VPS53: variants seen among roughly 807,000 people sequenced by gnomAD.
The protein encoded by VPS53 is VPS53 subunit of GARP complex.
Under a neutral mutation model 107.0 loss-of-function variants are expected in VPS53, and 70 were observed. That is an observed-to-expected ratio of 0.65 (90% CI 0.54 to 0.80). The LOEUF (loss-of-function observed/expected upper bound fraction) is 0.80. Among genes scored for constraint, VPS53 ranks in the 30% least tolerant of loss-of-function variants. The pLI, the probability that VPS53 is intolerant of heterozygous loss-of-function variation, is 0.00. For synonymous variants in VPS53, 409 were observed against 393.3 expected (o/e 1.04, Z -0.47); for missense variants, 917 against 1,049.4 (o/e 0.87, Z 1.74).
chr17:628,660 C>G (rs1969818414), intron 8 of VPS53, among the ~76,000 whole-genome samples: 1 of 152,204 alleles, frequency 6.6e-6, no homozygotes, highest in Non-Finnish European at 1.5e-5. Context: ...ACATGTGCCA[C>G]TCTTCCCTGA....
chr17:589,105 T>C (rs1967497121), intron 12 of VPS53, among the ~76,000 whole-genome samples: 1 of 151,902 alleles, frequency 6.6e-6, no homozygotes, highest in Non-Finnish European at 1.5e-5. Flanking sequence ...TTTTTTCTTC[T>C]TTTGAAGAAA....
At chr17:587,956 G>T (rs1967411270) in intron 12 of VPS53, among the ~76,000 whole-genome samples, 1 of 152,110 alleles carries the variant, frequency 6.6e-6, no homozygotes, top group Non-Finnish European at 1.5e-5. Context: ...CACCATCAAG[G>T]CAGTAAGTGT....
chr17:672,331 ATCC>A (rs1971998754), intron 4 of VPS53, among the ~76,000 whole-genome samples: 1 of 151,916 alleles, frequency 6.6e-6, no homozygotes, highest in Non-Finnish European at 1.5e-5. Context: ...CTTCCAAATA[ATCC>A]CCCTTTTGCC....
chr17:691,179 T>C (rs911582165), intron 4 of VPS53, among the ~76,000 whole-genome samples: 4 of 152,256 alleles, frequency 2.6e-5, no homozygotes, highest in South Asian at 4.1e-4. Context: ...AGGAACATAA[T>C]ATCCATTTTC....
At chr17:691,219 A>G (rs1411901392) in intron 4 of VPS53, among the ~76,000 whole-genome samples, 1 of 152,238 alleles carries the variant, frequency 6.6e-6, no homozygotes, top group Non-Finnish European at 1.5e-5. Context: ...AGGAAAAGGG[A>G]TTAGGCTTAC....
chr17:675,042 A>C (rs1301755588), intron 4 of VPS53: 2 of 152,180 alleles, frequency 1.3e-5, no homozygotes, highest in African/African-American at 2.4e-5. Context: ...AAGACAAATG[A>C]CTCAAAATGT....
intron 3 of VPS53, among the ~76,000 whole-genome samples, chr17:698,723 GA>G (rs527414109): frequency 2.0e-4 from 29 of 147,902 alleles, no homozygotes; most frequent in African/African-American, 3.7e-4. Context: ...CAGAAAAAAA[GA>G]AAAAAAAAAT....
chr17:573,192 C>G (rs997572169), intron 13 of VPS53, among the ~76,000 whole-genome samples: 1 of 152,090 alleles, frequency 6.6e-6, no homozygotes, highest in African/African-American at 2.4e-5. Context: ...ATGGAGAACG[C>G]CATAGAATGG....
chr17:582,928 C>T (rs1243925229), intron 13 of VPS53, among the ~76,000 whole-genome samples: 2 of 151,460 alleles, frequency 1.3e-5, no homozygotes, highest in Admixed American at 6.6e-5. Flanking sequence ...CCCTCAGGAC[C>T]TAATGTGTTT....
In VPS53 at chr17:517,561, C is replaced by A; in HGVS notation, c.*1567G>T. 1.0e-5 allele frequency: 4 copies of A among 396,948 alleles called. No homozygotes were observed. Among genetic ancestry groups the A allele is most frequent in the Non-Finnish European group, 1.8e-5 (4 of 225,064 alleles). The allele number at this position is 396,948 out of a possible 1,614,324, so 24.6% of individuals were successfully genotyped here. A position where few individuals can be genotyped will look rare whatever the true frequency, so the allele number is the denominator to read the frequency against. On this transcript the variant is annotated 3_prime_UTR_variant, in exon 22 of 22. Transcript: ENST00000437048. ...TTGAGAAGGGGTCTTGCTCTGTCACCCAGGCTGGAGTGCAGTGGTGAAATC... is the reference window on the plus strand; with the variant it reads ...TTGAGAAGGGGTCTTGCTCTGTCACACAGGCTGGAGTGCAGTGGTGAAATC...
chr17:617,258 T>C (rs138928145), intron 11 of VPS53, among the ~76,000 whole-genome samples: 1 of 152,178 alleles, frequency 6.6e-6, no homozygotes, highest in Middle Eastern at 3.4e-3. Flanking sequence ...GCCACATATA[T>C]CTACGCTTGA....
rs924454165 is a variant in VPS53 at position 515,007 on chromosome 17, C to T, written c.*4121G>A. The T allele has an allele frequency of 2.0e-5, 3 of 152,230 alleles. No homozygotes were observed. Among genetic ancestry groups the T allele is most frequent in the Non-Finnish European group, 4.4e-5 (3 of 68,068 alleles). The allele number at this position is 152,230 out of a possible 1,614,324, so 9.4% of individuals were successfully genotyped here. A position where few individuals can be genotyped will look rare whatever the true frequency, so the allele number is the denominator to read the frequency against. On this transcript the variant is annotated 3_prime_UTR_variant, in exon 22 of 22. Transcript: ENST00000437048. The stretch of plus-strand genomic sequence containing the variant: ...CACACAGGATGTTCTCTGGCCTGGA[C>T]ACCGCTAAGCCAGCTTTCAGACAAG...
At position 615,414 on chromosome 17, in the gene VPS53, G is replaced by A. The variant is rs554476786; in HGVS notation, c.1116+8119C>T. Among the ~76,000 whole-genome samples, 29 of 152,210 alleles carry A rather than the reference G, an allele frequency of 1.9e-4. No individual in the cohort carries two copies. The South Asian group carries it at 4.1e-3, about 22-fold the overall frequency. ...CTGTGGCAGGTCTTGTCTTCCGGGCGAGCTGGCCACACTCTCAAGCTCATC... is the reference window on the plus strand; with the variant it reads ...CTGTGGCAGGTCTTGTCTTCCGGGCAAGCTGGCCACACTCTCAAGCTCATC... On this transcript the variant is annotated intron_variant, in intron 11 of 21. Transcript: ENST00000437048.
chr17:543,864 G>A (rs1910921336), intron 17 of VPS53, among the ~76,000 whole-genome samples: 2 of 86,034 alleles, frequency 2.3e-5, no homozygotes, highest in Non-Finnish European at 2.4e-5. Flanking sequence ...AGGGAAGGAG[G>A]GAGGGAAGGA....
rs756473331 is a variant in VPS53 at position 628,200 on chromosome 17, T to C, written c.719A>G (p.Asp240Gly). 9.9e-6 allele frequency: 16 copies of C among 1,613,906 alleles called. No homozygotes were observed. The highest frequency in any genetic ancestry group is 1.3e-5 in the African/African-American group (1 of 74,914). ...RPGGPSNVLR[D>G]ACLVANILDP... ...TAGAATATTAGCAACCAGACATGCA[T>C]CTCGTAGAACATTGCTGGGTCCTCC... Residue 240 changes from aspartate (D) to glycine (G), a missense_variant, in exon 9 of 22, where the codon GAT (aspartate) becomes GGT (glycine). Coordinates refer to ENST00000437048, the MANE Select transcript of VPS53 (RefSeq NM_001128159.3).
chr17:640,924 G>A (rs779381133), intron 7 of VPS53, among the ~76,000 whole-genome samples: 11 of 151,702 alleles, frequency 7.3e-5, no homozygotes, highest in Non-Finnish European at 1.6e-4. Flanking sequence ...GGATAATCTC[G>A]GCTCACTGCA....
chr17:589,177 T>C (rs1247874501), intron 12 of VPS53, among the ~76,000 whole-genome samples: 1 of 152,046 alleles, frequency 6.6e-6, no homozygotes, highest in African/African-American at 2.4e-5. Flanking sequence ...TAATACAGAA[T>C]GTTAACATTT....
chr17:629,766 AAAAAG>A (rs770459392), intron 8 of VPS53, among the ~76,000 whole-genome samples: 30 of 150,602 alleles, frequency 2.0e-4, no homozygotes, highest in East Asian at 7.8e-4. Context: ...CCATCTCAAA[AAAAAG>A]AAAAGAAAAG....
chr17:687,913 T>C (rs1179185348), intron 4 of VPS53, among the ~76,000 whole-genome samples: 1 of 152,174 alleles, frequency 6.6e-6, no homozygotes, highest in African/African-American at 2.4e-5. Context: ...CAAGTTTTTT[T>C]CACTTTACCA....
Sources: gnomAD v4.1 joint callset for allele counts (sites outside exome capture counted in the v4.1 genomes callset) on GRCh38, gnomAD v4.1.1 for gene constraint, MANE v1.5 for transcripts, NCBI Gene and HGNC (gene_info 2026-07-23, HGNC 2026-07-21) for gene names.